EYA1: variants seen among roughly 807,000 people sequenced by gnomAD.
EYA1 encodes protein phosphatase EYA1.
A neutral mutation model predicts 82.0 loss-of-function variants in EYA1; 16 were observed. The ratio of observed to expected loss-of-function variants is 0.20; its 90% CI spans 0.13 to 0.30. EYA1 has a LOEUF of 0.30. Ranked by LOEUF, EYA1 falls within the 10% of genes least tolerant of loss-of-function variation. The pLI, the probability that EYA1 is intolerant of heterozygous loss-of-function variation, is 1.00. For missense variants in EYA1, 633 were observed against 730.7 expected (o/e 0.87, Z 1.54); for synonymous variants, 261 against 264.4 (o/e 0.99, Z 0.12).
intron 9 of EYA1, among the ~76,000 whole-genome samples, chr8:71,272,579 C>T (rs1816676977): frequency 6.6e-6 from 1 of 152,094 alleles, no homozygotes; most frequent in African/African-American, 2.4e-5. Flanking sequence ...TCAGAGAAGC[C>T]ACTAAAATAA....
chr8:71,518,569 A>G (rs13258454), intron 2 of EYA1, among the ~76,000 whole-genome samples: 104,778 of 151,980 alleles, frequency 0.69, 38,078 homozygotes, highest in East Asian at 0.92. Flanking sequence ...CCTTTGCAAA[A>G]GCAGCTAATC....
intron 2 of EYA1, among the ~76,000 whole-genome samples, chr8:71,525,693 G>T (rs1171120167): frequency 1.3e-5 from 2 of 152,052 alleles, no homozygotes; most frequent in Non-Finnish European, 2.9e-5. Flanking sequence ...AATAGCCGTG[G>T]TGTTTGTTTT....
At chr8:71,429,827 A>T (rs987552820) in intron 2 of EYA1, among the ~76,000 whole-genome samples, 3 of 152,180 alleles carry the variant, frequency 2.0e-5, no homozygotes, top group Non-Finnish European at 4.4e-5. Context: ...GATATAAAAG[A>T]TGAACTATAA....
At chr8:71,522,738 T>C (rs1813496460) in intron 2 of EYA1, among the ~76,000 whole-genome samples, 1 of 151,320 alleles carries the variant, frequency 6.6e-6, no homozygotes, top group Non-Finnish European at 1.5e-5. Flanking sequence ...GCCTCCCAAC[T>C]AGTTGAGACC....
intron 2 of EYA1, among the ~76,000 whole-genome samples, chr8:71,423,702 A>G (rs986158643): frequency 6.6e-6 from 1 of 152,336 alleles, no homozygotes; most frequent in East Asian, 1.9e-4. Context: ...CAATACCACT[A>G]TTTAAAATTA....
chr8:71,404,470 A>G (rs923035575), intron 2 of EYA1: 2 of 152,240 alleles, frequency 1.3e-5, no homozygotes, highest in African/African-American at 4.8e-5. Context: ...ACATATGCAA[A>G]TATGGCAAAT....
chr8:71,221,476 T>A (rs958999580), intron 12 of EYA1, among the ~76,000 whole-genome samples: 1 of 152,048 alleles, frequency 6.6e-6, no homozygotes, highest in African/African-American at 2.4e-5. Context: ...GGGAAGAGAG[T>A]AATTTTTTGT....
chr8:71,450,088 A>T (rs1807230403), intron 2 of EYA1, among the ~76,000 whole-genome samples: 1 of 152,212 alleles, frequency 6.6e-6, no homozygotes, highest in South Asian at 2.1e-4. Flanking sequence ...CCAGACCACT[A>T]CAACTCTCTC....
intron 2 of EYA1, among the ~76,000 whole-genome samples, chr8:71,399,435 G>A (rs1156989136): frequency 6.6e-6 from 1 of 152,130 alleles, no homozygotes; most frequent in Non-Finnish European, 1.5e-5. Context: ...TCTCAAGTCT[G>A]TCTCTTCTAT....
At chr8:71,432,073 C>G (rs1432395349) in intron 2 of EYA1, among the ~76,000 whole-genome samples, 1 of 152,206 alleles carries the variant, frequency 6.6e-6, no homozygotes, top group Non-Finnish European at 1.5e-5. Flanking sequence ...TGGAATGTCT[C>G]TTAGTTGCTT....
intron 9 of EYA1, among the ~76,000 whole-genome samples, chr8:71,285,225 A>T (rs1818236190): frequency 6.6e-6 from 1 of 152,240 alleles, no homozygotes; most frequent in Non-Finnish European, 1.5e-5. Flanking sequence ...AATATATCTC[A>T]AGAGAAGTGT....
chr8:71,385,431 A>C (rs1173231203), intron 2 of EYA1, among the ~76,000 whole-genome samples: 1 of 152,184 alleles, frequency 6.6e-6, no homozygotes, highest in Non-Finnish European at 1.5e-5. Flanking sequence ...GTACAAAAAA[A>C]GAGTTAAGAA....
chr8:71,361,857 C>G lies in EYA1; in HGVS notation c.-265G>C. On this transcript the variant is annotated 5_prime_UTR_variant, in exon 1 of 18. Coordinates refer to ENST00000340726, the MANE Select transcript of EYA1 (RefSeq NM_000503.6). Reference sequence around the variant, plus strand: ...GCAGGCGCCTGGCCGCTGCCGCAGGCTCGGGCTGCCGAGCGACTGAGCGAA... The same window carrying G: ...GCAGGCGCCTGGCCGCTGCCGCAGGGTCGGGCTGCCGAGCGACTGAGCGAA... The G allele has an allele frequency of 1.0e-6, 1 of 985,436 alleles. No homozygotes were observed. Among genetic ancestry groups the G allele is most frequent in the Non-Finnish European group, 1.2e-6 (1 of 829,926 alleles). 61.0% of individuals were successfully genotyped at this position (985,436 alleles called of 1,614,324 possible).
chr8:71,286,567 A>T (rs1360759345), intron 9 of EYA1, among the ~76,000 whole-genome samples: 3 of 151,982 alleles, frequency 2.0e-5, no homozygotes, highest in Non-Finnish European at 4.4e-5. Context: ...GTGGGGGGAA[A>T]CTCATAGGCT....
At chr8:71,476,551 A>G (rs1396418595) in intron 2 of EYA1, among the ~76,000 whole-genome samples, 1 of 152,102 alleles carries the variant, frequency 6.6e-6, no homozygotes, top group Non-Finnish European at 1.5e-5. Flanking sequence ...AAAATATAAA[A>G]CACTGTTGCA....
chr8:71,456,488 G>A (rs1807925775), intron 2 of EYA1, among the ~76,000 whole-genome samples: 2 of 152,080 alleles, frequency 1.3e-5, no homozygotes, highest in African/African-American at 2.4e-5. Flanking sequence ...GAGGCATCAA[G>A]CTACCTGACT....
At chr8:71,485,887 A>G (rs73302320) in intron 2 of EYA1, among the ~76,000 whole-genome samples, 13,876 of 152,242 alleles carry the variant, frequency 0.091, 1,418 homozygotes, top group East Asian at 0.47. Context: ...GTCTTGAAAC[A>G]ATAAAAAAAA....
chr8:71,464,172 T>G (rs140123441), intron 2 of EYA1, among the ~76,000 whole-genome samples: 2 of 152,222 alleles, frequency 1.3e-5, no homozygotes, highest in East Asian at 3.9e-4. Flanking sequence ...TGCTTCCACA[T>G]CTTCTATTCT....
intron 12 of EYA1, 94 bp from the exon 13 acceptor site, chr8:71,217,117 C>G: frequency 1.1e-6 from 1 of 922,774 alleles, no homozygotes; most frequent in South Asian, 1.4e-5. Flanking sequence ...TTTTAAAGCA[C>G]CTTAATTGGA....
Sources: allele counts gnomAD v4.1 joint callset (sites outside exome capture counted in the v4.1 genomes callset), GRCh38; gene constraint gnomAD v4.1.1; transcripts MANE v1.5; gene names NCBI Gene and HGNC (gene_info 2026-07-23, HGNC 2026-07-21).